Variants in DDX1 observed in about 807,000 individuals in gnomAD.
The protein encoded by DDX1 is DEAD-box helicase 1.
In DDX1, 28 loss-of-function variants were observed where a neutral mutation model predicts 108.7. The observed-to-expected ratio is 0.26, with a 90% CI of 0.19 to 0.35. DDX1 has a LOEUF of 0.35. Among genes scored for constraint, DDX1 ranks in the 10% least tolerant of loss-of-function variants. The pLI is 1.00. For synonymous variants in DDX1, 295 were observed against 288.9 expected (o/e 1.02, Z -0.21); for missense variants, 710 against 884.5 (o/e 0.80, Z 2.50).
intron 3 of DDX1, 56 bp from the exon 4 acceptor site, chr2:15,596,678 T>G (rs1665505129): frequency 1.3e-6 from 2 of 1,491,286 alleles, no homozygotes; most frequent in African/African-American, 1.4e-5. Context: ...GGTGTTAGTT[T>G]GATTTCTTTA....
rs1029494543 is a variant in DDX1 at position 15,620,338 on chromosome 2, T to C, written c.1337T>C (p.Val446Ala). Residue 446 changes from valine (V) to alanine (A), a missense_variant, in exon 17 of 26, where the codon GTC (valine) becomes GCC (alanine). Physicochemically the swap from Val to Ala is moderately conservative, Grantham distance 64 (BLOSUM62 0). Coordinates refer to ENST00000233084, the MANE Select transcript of DDX1 (RefSeq NM_004939.3). ...SVPDTVHHVVVPVNPKTDRLW... is the reference protein window; with the variant it reads ...SVPDTVHHVVAPVNPKTDRLW... The stretch of plus-strand genomic sequence containing the variant: ...CCAGATACTGTACACCATGTTGTTG[T>C]CCCAGTAAATCCCAAAACTGACAGA... The C allele has an allele frequency of 1.9e-6, 3 of 1,613,872 alleles. No individual in the cohort carries two copies. Among genetic ancestry groups the C allele is most frequent in the Non-Finnish European group, 2.5e-6 (3 of 1,179,982 alleles).
At chr2:15,603,604 G>A (rs916440510) in intron 8 of DDX1, among the ~76,000 whole-genome samples, 3 of 152,194 alleles carry the variant, frequency 2.0e-5, no homozygotes, top group Admixed American at 6.5e-5. Flanking sequence ...ACAAAGCAGA[G>A]AGGGATGCAG....
At chr2:15,612,139 T>A (rs1409791962) in intron 13 of DDX1, among the ~76,000 whole-genome samples, 1 of 140,570 alleles carries the variant, frequency 7.1e-6, no homozygotes, top group African/African-American at 2.7e-5. Flanking sequence ...GGCGGGGGGC[T>A]GACCCCCCCC....
intron 13 of DDX1, 135 bp from the exon 14 acceptor site, chr2:15,613,085 CTTGT>C (rs1368409651): frequency 3.3e-6 from 2 of 599,764 alleles, no homozygotes; most frequent in Non-Finnish European, 5.8e-6. Flanking sequence ...TTCCCCCAGA[CTTGT>C]TTTATTGTAG....
At chr2:15,613,780 G>A (rs938631531) in intron 14 of DDX1, among the ~76,000 whole-genome samples, 2 of 151,860 alleles carry the variant, frequency 1.3e-5, no homozygotes, top group African/African-American at 2.4e-5. Flanking sequence ...ATGCCATTAC[G>A]AAGGACAAAG....
chr2:15,592,154 G>T lies in DDX1; in HGVS notation c.16+205G>T, dbSNP rs563893997. Among the ~76,000 whole-genome samples, 180 of 152,324 alleles carry T rather than the reference G, an allele frequency of 1.2e-3. 1 individual carries two copies. The highest frequency in any genetic ancestry group is 3.4e-3 in the Middle Eastern group (1 of 294). ...TCGGAGGACGATTCTTCCCAGGAGC[G>T]GGCCGGAACGTCCCTCCCCCTGCCC... On this transcript the variant is annotated intron_variant, in intron 1 of 25. Transcript: ENST00000233084.
At chr2:15,629,940 A>G in intron 24 of DDX1, 50 bp from the exon 25 acceptor site, 2 of 1,518,556 alleles carry the variant, frequency 1.3e-6, no homozygotes, top group Non-Finnish European at 1.8e-6. Context: ...ATAAAATGCA[A>G]CTCTTTCTAA....
intron 16 of DDX1, among the ~76,000 whole-genome samples, chr2:15,618,756 G>T (rs1298267772): frequency 2.0e-5 from 3 of 152,252 alleles, no homozygotes; most frequent in Non-Finnish European, 4.4e-5. Flanking sequence ...GTGCAGGCCA[G>T]CACTGGGCCG....
intron 1 of DDX1, among the ~76,000 whole-genome samples, chr2:15,593,526 C>G (rs997795319): frequency 3.4e-4 from 52 of 152,266 alleles, no homozygotes; most frequent in African/African-American, 1.2e-3. Flanking sequence ...GGGAACATGA[C>G]CAGAATGGTA....
intron 13 of DDX1, among the ~76,000 whole-genome samples, 196 bp from the exon 14 acceptor site, chr2:15,613,028 G>A (rs577988001): frequency 3.3e-5 from 5 of 152,040 alleles, no homozygotes; most frequent in South Asian, 2.1e-4. Flanking sequence ...CGTGGGGAGA[G>A]GGAGAGGGGG....
Position 15,605,931 on chromosome 2 carries a change from C to G in DDX1, c.626-19C>G, listed in dbSNP as rs1486635795. ...CTTTTCTGATTGTTTTAATCTCTCTCTCTCTCTTGTTTTTTAAGGAAAAGA... is the reference window on the plus strand; with the variant it reads ...CTTTTCTGATTGTTTTAATCTCTCTGTCTCTCTTGTTTTTTAAGGAAAAGA... On this transcript the variant is annotated intron_variant, in intron 10 of 25. Coordinates refer to ENST00000233084, the MANE Select transcript of DDX1 (RefSeq NM_004939.3). 1.3e-6 allele frequency: 2 copies of G among 1,509,020 alleles called. No homozygotes were observed. Among genetic ancestry groups the G allele is most frequent in the Non-Finnish European group, 1.8e-6 (2 of 1,122,010 alleles). The allele number at this position is 1,509,020 out of a possible 1,614,324, so 93.5% of individuals were successfully genotyped here.
intron 6 of DDX1, among the ~76,000 whole-genome samples, chr2:15,601,989 C>T (rs1665595509): frequency 6.6e-6 from 1 of 152,136 alleles, no homozygotes; most frequent in Non-Finnish European, 1.5e-5. Flanking sequence ...GTAACAAATA[C>T]ATGCTTATTT....
chr2:15,611,593 C>T (rs1313560585), intron 13 of DDX1, among the ~76,000 whole-genome samples: 4 of 100,702 alleles, frequency 4.0e-5, no homozygotes, highest in Non-Finnish European at 5.7e-5. Flanking sequence ...CCGGACGGGG[C>T]GGCTGGCCGG....
At chr2:15,625,761 A>G (rs751198339) in intron 19 of DDX1, among the ~76,000 whole-genome samples, 3 of 152,186 alleles carry the variant, frequency 2.0e-5, no homozygotes, top group Non-Finnish European at 2.9e-5. Context: ...TACTGAGGAA[A>G]GACTAACACA....
At chr2:15,599,269 G>GT (rs5829516) in intron 5 of DDX1, 32,126 of 147,304 alleles carry the variant, frequency 0.22, 3,792 homozygotes, top group Admixed American at 0.28. Context: ...TAAAATACTT[G>GT]TTTTTTTTTT....
intron 6 of DDX1, among the ~76,000 whole-genome samples, chr2:15,601,101 A>T (rs1027236055): frequency 6.6e-6 from 1 of 152,162 alleles, no homozygotes; most frequent in African/African-American, 2.4e-5. Flanking sequence ...AATTCTGAGA[A>T]TATAGAGAAA....
chr2:15,621,232 A>C, intron 18 of DDX1, 116 bp downstream of exon 18: 2 of 695,404 alleles, frequency 2.9e-6, no homozygotes, highest in Non-Finnish European at 5.0e-6. Flanking sequence ...TTTGGAAATA[A>C]AGGCAACAAA....
chr2:15,592,925 A>T (rs1157430721), intron 1 of DDX1, among the ~76,000 whole-genome samples: 24 of 65,164 alleles, frequency 3.7e-4, no homozygotes, highest in Admixed American at 2.0e-3. Context: ...TGGGGGGGAG[A>T]ATGGGGGGGT....
chr2:15,607,567 G>A (rs546134862), intron 13 of DDX1, among the ~76,000 whole-genome samples: 22 of 151,990 alleles, frequency 1.4e-4, no homozygotes, highest in Non-Finnish European at 2.4e-4. Context: ...TAGTCAAACA[G>A]CATTGGAGTA....
Sources: allele counts gnomAD v4.1 joint callset (sites outside exome capture counted in the v4.1 genomes callset), GRCh38; gene constraint gnomAD v4.1.1; transcripts MANE v1.5; gene names NCBI Gene and HGNC (gene_info 2026-07-23, HGNC 2026-07-21).